The following LTBP1 variants were observed in gnomAD, a reference collection of about 807,000 sequenced individuals.
The protein encoded by LTBP1 is latent transforming growth factor beta binding protein 1, also known as latent-transforming growth factor beta-binding protein 1.
A neutral mutation model predicts 207.6 loss-of-function variants in LTBP1; 129 were observed. The observed-to-expected ratio is 0.62, with a 90% CI of 0.54 to 0.72. The LOEUF (loss-of-function observed/expected upper bound fraction) is 0.72. Ranked by LOEUF, LTBP1 falls within the 30% of genes least tolerant of loss-of-function variation. The pLI is 0.00. For missense variants in LTBP1, 2,281 were observed against 2,217.2 expected (o/e 1.03, Z -0.58); for synonymous variants, 963 against 833.7 (o/e 1.16, Z -2.67).
intron 2 of LTBP1, among the ~76,000 whole-genome samples, chr2:33,018,914 G>C (rs1395014249): frequency 1.3e-5 from 2 of 150,962 alleles, no homozygotes; most frequent in African/African-American, 4.9e-5. Context: ...CTGAAAATTT[G>C]TCAGCTTGGT....
At chr2:33,204,626 C>A (rs2089683025) in intron 7 of LTBP1, among the ~76,000 whole-genome samples, 1 of 151,796 alleles carries the variant, frequency 6.6e-6, no homozygotes, top group Non-Finnish European at 1.5e-5. Context: ...GTTGCCCAAG[C>A]TGGAGTGCAG....
intron 19 of LTBP1, among the ~76,000 whole-genome samples, chr2:33,281,199 A>C (rs2093553491): frequency 6.6e-6 from 1 of 152,184 alleles, no homozygotes; most frequent in Non-Finnish European, 1.5e-5. Flanking sequence ...GGAGACTGAC[A>C]TGCACTCAAA....
At chr2:33,046,508 C>G (rs1237716006) in intron 3 of LTBP1, among the ~76,000 whole-genome samples, 1 of 152,136 alleles carries the variant, frequency 6.6e-6, no homozygotes, top group Non-Finnish European at 1.5e-5. Flanking sequence ...CTGCTGGATT[C>G]AGTTTGCCAG....
chr2:33,277,829 C>CTTTTTTT (rs199950784), intron 18 of LTBP1, among the ~76,000 whole-genome samples: 3 of 85,178 alleles, frequency 3.5e-5, no homozygotes, highest in African/African-American at 1.6e-4. Flanking sequence ...TTCTTTCTTT[C>CTTTTTTT]TTTTTTTTTT....
At chr2:33,349,253 C>G (rs2094746577) in intron 26 of LTBP1, among the ~76,000 whole-genome samples, 1 of 152,134 alleles carries the variant, frequency 6.6e-6, no homozygotes, top group Admixed American at 6.5e-5. Context: ...AGTTCTAGAC[C>G]AGCCTGGCCA....
In LTBP1 at chr2:33,262,746, A is replaced by T; in HGVS notation, c.2443A>T (p.Lys815Ter). The T allele has an allele frequency of 6.2e-7, 1 of 1,603,862 alleles. No homozygotes were observed. The highest frequency in any genetic ancestry group is 8.5e-7 in the Non-Finnish European group (1 of 1,173,800). ...EKEIPSLDQE[K>*]TKLEPGQPQL... ...GGAAATACCTTCATTGGATCAAGAG[A>T]AAACCAAACTTGAGCCTGGTCAACC... Residue 815 changes from lysine to a stop codon, truncating the protein, a stop_gained, in exon 14 of 34, where the codon AAA becomes TAA. Coordinates refer to ENST00000404816, the MANE Select transcript of LTBP1 (RefSeq NM_206943.4). LOFTEE classifies it high-confidence loss of function.
chr2:33,126,413 G>T (rs1014047433), intron 4 of LTBP1, among the ~76,000 whole-genome samples: 2 of 152,110 alleles, frequency 1.3e-5, no homozygotes, highest in Non-Finnish European at 2.9e-5. Context: ...TCCAAGGGGA[G>T]ATTAGACTTT....
intron 3 of LTBP1, among the ~76,000 whole-genome samples, chr2:33,051,962 C>T (rs1401902363): frequency 6.6e-6 from 1 of 152,172 alleles, no homozygotes. Context: ...ATGGTTTGCA[C>T]AAGCCATTTG....
intron 2 of LTBP1, among the ~76,000 whole-genome samples, chr2:33,015,778 C>T (rs1049225267): frequency 1.3e-5 from 2 of 152,108 alleles, no homozygotes; most frequent in Non-Finnish European, 1.5e-5. Flanking sequence ...GGGGAGGCCT[C>T]GGGAAACTTC....
chr2:33,336,925 C>A (rs1427056787), intron 24 of LTBP1, among the ~76,000 whole-genome samples: 1 of 152,190 alleles, frequency 6.6e-6, no homozygotes, highest in African/African-American at 2.4e-5. Context: ...TGTACAGATA[C>A]ACATAGACTT....
chr2:33,038,646 A>C (rs989279314), intron 3 of LTBP1, among the ~76,000 whole-genome samples: 2 of 152,198 alleles, frequency 1.3e-5, no homozygotes, highest in African/African-American at 4.8e-5. Flanking sequence ...CCAGAATTAG[A>C]GATCCTAGTT....
At chr2:32,976,973 G>A (rs772913575) in intron 2 of LTBP1, among the ~76,000 whole-genome samples, 1 of 152,248 alleles carries the variant, frequency 6.6e-6, no homozygotes, top group African/African-American at 2.4e-5. Flanking sequence ...ACAGAAGTGG[G>A]ACCATTCTGC....
At chr2:33,084,287 T>C (rs2078621073) in intron 3 of LTBP1, among the ~76,000 whole-genome samples, 1 of 152,214 alleles carries the variant, frequency 6.6e-6, no homozygotes, top group Non-Finnish European at 1.5e-5. Context: ...CTGAGTCTGA[T>C]TACCTAATTA....
At chr2:33,360,068 T>C (rs56412670) in intron 26 of LTBP1, among the ~76,000 whole-genome samples, 15,606 of 152,224 alleles carry the variant, frequency 0.1, 1,052 homozygotes, top group Middle Eastern at 0.16. Context: ...GTAGTTAGAT[T>C]TTTCAGTGAT....
intron 5 of LTBP1, among the ~76,000 whole-genome samples, chr2:33,136,864 C>CA (rs1483117956): frequency 6.6e-6 from 1 of 152,096 alleles, no homozygotes; most frequent in Non-Finnish European, 1.5e-5. Flanking sequence ...AAATTATTTA[C>CA]AAAAGCATTT....
At chr2:33,361,346 C>G in intron 27 of LTBP1, 83 bp from the exon 28 acceptor site, 1 of 840,100 alleles carries the variant, frequency 1.2e-6, no homozygotes, top group Admixed American at 2.3e-5. Flanking sequence ...GTTACTGAGT[C>G]TGAGAAAGCA....
chr2:33,346,635 AG>A (rs2094705062), intron 25 of LTBP1, among the ~76,000 whole-genome samples: 1 of 151,818 alleles, frequency 6.6e-6, no homozygotes, highest in African/African-American at 2.4e-5. Context: ...GAGTGAGCTG[AG>A]ATCACGGCAC....
At chr2:33,230,345 A>C (rs991162919) in intron 9 of LTBP1, among the ~76,000 whole-genome samples, 1 of 152,192 alleles carries the variant, frequency 6.6e-6, no homozygotes, top group Non-Finnish European at 1.5e-5. Flanking sequence ...GGAGCTTTCA[A>C]ATAATTGCCC....
At chr2:33,218,217 C>T (rs540276491) in intron 8 of LTBP1, among the ~76,000 whole-genome samples, 1 of 152,164 alleles carries the variant, frequency 6.6e-6, no homozygotes, top group African/African-American at 2.4e-5. Context: ...TATGCTGTCA[C>T]AGACCTCAGC....
Sources: allele counts gnomAD v4.1 joint callset (sites outside exome capture counted in the v4.1 genomes callset), GRCh38; gene constraint gnomAD v4.1.1; transcripts MANE v1.5; gene names NCBI Gene and HGNC (gene_info 2026-07-23, HGNC 2026-07-21).